The following SOX5 variants were observed in gnomAD, a reference collection of about 807,000 sequenced individuals.
SOX5 encodes SRY-box transcription factor 5.
SOX5 carries 9 observed loss-of-function variants against 92.0 expected under a neutral mutation model. The observed-to-expected ratio is 0.10, with a 90% CI of 0.06 to 0.17. SOX5 has a LOEUF of 0.17. Ranked by LOEUF, SOX5 falls within the 10% of genes least tolerant of loss-of-function variation. The pLI, the probability that SOX5 is intolerant of heterozygous loss-of-function variation, is 1.00. For synonymous variants in SOX5, 344 were observed against 336.3 expected, an observed-to-expected ratio of 1.02 and a Z score of -0.25; for missense variants, 642 against 944.5, an observed-to-expected ratio of 0.68 and a Z score of 4.20.
At chr12:24,087,310 AAT>A (rs1431261881) in intron 4 of SOX5, among the ~76,000 whole-genome samples, 1 of 152,110 alleles carries the variant, frequency 6.6e-6, no homozygotes, top group African/African-American at 2.4e-5. Flanking sequence ...CAAATTTTCA[AAT>A]AGAGATGTAA....
At chr12:23,850,314 G>T (rs138251013) in intron 2 of SOX5, among the ~76,000 whole-genome samples, 1 of 151,190 alleles carries the variant, frequency 6.6e-6, no homozygotes, top group Non-Finnish European at 1.5e-5. Flanking sequence ...CTGTAATCCC[G>T]GCTACTCTGG....
At chr12:23,865,081 C>T (rs1404863032) in intron 2 of SOX5, among the ~76,000 whole-genome samples, 1 of 152,140 alleles carries the variant, frequency 6.6e-6, no homozygotes, top group Admixed American at 6.5e-5. Context: ...TGCTAGGGCC[C>T]TAAAGAATTA....
chr12:24,553,291 C>T (rs1267228613), intron 1 of SOX5, among the ~76,000 whole-genome samples: 2 of 152,134 alleles, frequency 1.3e-5, no homozygotes, highest in Admixed American at 6.5e-5. Context: ...GTCACTTGAC[C>T]ACTGGAGTCT....
chr12:23,734,921 A>G (rs1278512214), intron 5 of SOX5, among the ~76,000 whole-genome samples, 169 bp from the exon 6 acceptor site: 7 of 152,230 alleles, frequency 4.6e-5, no homozygotes, highest in Non-Finnish European at 1.0e-4. Flanking sequence ...ATCAAGGAAG[A>G]TATTTAGTCT....
intron 2 of SOX5, among the ~76,000 whole-genome samples, chr12:24,297,679 T>G (rs181397215): frequency 4.6e-5 from 7 of 152,314 alleles, no homozygotes; most frequent in Admixed American, 4.6e-4. Flanking sequence ...GTCAAGAACT[T>G]CAGGAACTAC....
chr12:24,034,636 C>T (rs1040925068), intron 4 of SOX5, among the ~76,000 whole-genome samples: 1 of 150,096 alleles, frequency 6.7e-6, no homozygotes, highest in Non-Finnish European at 1.5e-5. Context: ...AGTATTTTAT[C>T]CAACTTGATT....
chr12:24,125,465 A>C lies in SOX5; in HGVS notation c.-2+87878T>G, dbSNP rs1949022696. Among the ~76,000 whole-genome samples, 3 of 152,186 alleles carry C rather than the reference A, an allele frequency of 2.0e-5. No homozygotes were observed. In the South Asian group the frequency reaches 6.2e-4, roughly 32 times the overall value. ...GGCCTTATGACATCTGTGGTAATAC[A>C]TTGCTAAGATATTGCATCAAGCATG... On this transcript the variant is annotated intron_variant, in intron 4 of 4. Coordinates refer to the SOX5 transcript ENST00000446891.
At chr12:24,131,664 A>G (rs1949658924) in intron 4 of SOX5, among the ~76,000 whole-genome samples, 1 of 152,200 alleles carries the variant, frequency 6.6e-6, no homozygotes, top group Non-Finnish European at 1.5e-5. Flanking sequence ...TATCAGGTGG[A>G]TGATTTTAGC....
chr12:23,613,211 A>G (rs78575992), intron 8 of SOX5, among the ~76,000 whole-genome samples: 4,422 of 152,230 alleles, frequency 0.029, 303 homozygotes, highest in East Asian at 0.15. Context: ...AAGTCAATGA[A>G]CTGCCTAATT....
At chr12:24,415,434 C>T (rs1964859247) in intron 1 of SOX5, among the ~76,000 whole-genome samples, 2 of 151,960 alleles carry the variant, frequency 1.3e-5, no homozygotes, top group African/African-American at 4.8e-5. Flanking sequence ...TTTTTTTATA[C>T]ACATAAAGCC....
intron 1 of SOX5, among the ~76,000 whole-genome samples, chr12:24,441,764 T>C (rs1312073773): frequency 2.6e-5 from 4 of 152,218 alleles, no homozygotes; most frequent in Non-Finnish European, 5.9e-5. Context: ...TATGCATTGT[T>C]AACTTTTTTT....
chr12:23,917,546 C>A (rs949814703), intron 1 of SOX5, among the ~76,000 whole-genome samples: 1 of 152,050 alleles, frequency 6.6e-6, no homozygotes, highest in Admixed American at 6.6e-5. Flanking sequence ...GAATGAGACG[C>A]TGCCTCAAAA....
chr12:24,352,204 A>G (rs1954172340), intron 2 of SOX5, among the ~76,000 whole-genome samples: 1 of 152,226 alleles, frequency 6.6e-6, no homozygotes, highest in African/African-American at 2.4e-5. Context: ...TTTTCACAAT[A>G]GTGAATTCTA....
chr12:24,161,832 T>G (rs1952789575), intron 4 of SOX5, among the ~76,000 whole-genome samples: 1 of 152,016 alleles, frequency 6.6e-6, no homozygotes, highest in Admixed American at 6.6e-5. Flanking sequence ...TCATGTAGTA[T>G]CCAATAACAA....
intron 3 of SOX5, among the ~76,000 whole-genome samples, chr12:23,830,051 T>C (rs2096290432): frequency 6.6e-6 from 1 of 152,126 alleles, no homozygotes; most frequent in Non-Finnish European, 1.5e-5. Flanking sequence ...CCTATAACAC[T>C]AATGAAATAA....
rs560642 is a variant in SOX5 at position 24,294,514 on chromosome 12, T to A, written c.-173-17202A>T. Among the ~76,000 whole-genome samples the A allele has an allele frequency of 8.5e-5, 13 of 152,088 alleles. No individual in the cohort carries two copies. The South Asian group carries it at 1.2e-3, about 15-fold the overall frequency. The stretch of plus-strand genomic sequence containing the variant: ...TATTTCATAAGCAAATGTGAATACC[T>A]CCATGCAAATGCCCACACTCTGAGA... On this transcript the variant is annotated intron_variant, in intron 2 of 4. Transcript: ENST00000446891.
At chr12:23,886,065 T>C (rs1376960271) in intron 2 of SOX5, among the ~76,000 whole-genome samples, 1 of 152,140 alleles carries the variant, frequency 6.6e-6, no homozygotes, top group Non-Finnish European at 1.5e-5. Flanking sequence ...GTCCCAAGCA[T>C]TTTTAGTTCT....
intron 4 of SOX5, among the ~76,000 whole-genome samples, chr12:24,200,658 G>C (rs1389583736): frequency 6.6e-6 from 1 of 152,072 alleles, no homozygotes; most frequent in Non-Finnish European, 1.5e-5. Context: ...AATATCTCTG[G>C]ACAGAAGGAT....
intron 2 of SOX5, among the ~76,000 whole-genome samples, chr12:24,350,103 A>G (rs1164225862): frequency 6.6e-6 from 1 of 152,250 alleles, no homozygotes; most frequent in Non-Finnish European, 1.5e-5. Context: ...GTTTTGATGT[A>G]GTCTGTAATT....
Sources: allele counts gnomAD v4.1 joint callset (sites outside exome capture counted in the v4.1 genomes callset), GRCh38; gene constraint gnomAD v4.1.1; transcripts MANE v1.5; gene names NCBI Gene and HGNC (gene_info 2026-07-23, HGNC 2026-07-21).